TCF7L2: variants seen among roughly 807,000 people sequenced by gnomAD.
The protein encoded by TCF7L2 is transcription factor 7-like 2.
A neutral mutation model predicts 77.9 loss-of-function variants in TCF7L2; 23 were observed. The ratio of observed to expected loss-of-function variants is 0.30; its 90% CI spans 0.21 to 0.42. The LOEUF is 0.42. Among genes scored for constraint, TCF7L2 ranks in the 10% least tolerant of loss-of-function variants. TCF7L2 has a pLI of 1.00. For missense variants in TCF7L2, 654 were observed against 793.1 expected, an observed-to-expected ratio of 0.82 and a Z score of 2.11; for synonymous variants, 413 against 340.2, an observed-to-expected ratio of 1.21 and a Z score of -2.36.
chr10:113,029,575 T>C (rs996973388), intron 4 of TCF7L2, among the ~76,000 whole-genome samples: 4 of 151,020 alleles, frequency 2.6e-5, no homozygotes, highest in African/African-American at 9.8e-5. Flanking sequence ...GGCCCAGGCT[T>C]GAGTGCAATG....
At chr10:113,122,072 A>G (rs989305671) in intron 5 of TCF7L2, among the ~76,000 whole-genome samples, 4 of 152,238 alleles carry the variant, frequency 2.6e-5, no homozygotes, top group South Asian at 2.1e-4. Flanking sequence ...TCTGTCCAAA[A>G]TCAGCATACA....
chr10:113,081,836 T>C (rs2059344128), intron 5 of TCF7L2, among the ~76,000 whole-genome samples: 1 of 152,176 alleles, frequency 6.6e-6, no homozygotes, highest in South Asian at 2.1e-4. Flanking sequence ...TTATTACTAT[T>C]ATTATTTTGA....
intron 4 of TCF7L2, among the ~76,000 whole-genome samples, chr10:112,982,627 G>C (rs548345651): frequency 6.6e-6 from 1 of 151,970 alleles, no homozygotes; most frequent in African/African-American, 2.4e-5. Flanking sequence ...CTTTATTTTT[G>C]TTTTCTTCTT....
intron 5 of TCF7L2, among the ~76,000 whole-genome samples, chr10:113,115,289 C>T (rs570046427): frequency 6.6e-6 from 1 of 152,124 alleles, no homozygotes; most frequent in South Asian, 2.1e-4. Context: ...CTAATTAGAT[C>T]GAATGCAGTT....
At chr10:112,956,097 C>G (rs2033507528) in intron 3 of TCF7L2, among the ~76,000 whole-genome samples, 1 of 151,972 alleles carries the variant, frequency 6.6e-6, no homozygotes, top group Non-Finnish European at 1.5e-5. Context: ...AACAGGCCCC[C>G]CTGAATCACA....
chr10:112,988,815 A>T (rs1398634876), intron 4 of TCF7L2, among the ~76,000 whole-genome samples: 1 of 152,228 alleles, frequency 6.6e-6, no homozygotes, highest in South Asian at 2.1e-4. Flanking sequence ...AGAAAAAAGA[A>T]TAGGTGTTTT....
chr10:112,968,618 G>T (rs112614541), intron 4 of TCF7L2, among the ~76,000 whole-genome samples: 39 of 152,032 alleles, frequency 2.6e-4, no homozygotes, highest in African/African-American at 8.0e-4. Flanking sequence ...TCATTCTGTC[G>T]CCCAGGCTGG....
intron 5 of TCF7L2, among the ~76,000 whole-genome samples, chr10:113,120,130 C>T (rs966150742): frequency 6.6e-6 from 1 of 152,156 alleles, no homozygotes; most frequent in Admixed American, 6.5e-5. Context: ...GGTTACAGTA[C>T]GTGATTTGCA....
At chr10:113,129,250 T>C (rs1329265436) in intron 5 of TCF7L2, 1 of 951,834 alleles carries the variant, frequency 1.1e-6, no homozygotes, top group Non-Finnish European at 1.3e-6. Flanking sequence ...AAATTTGTTT[T>C]GAGGGATTTG....
chr10:112,971,563 G>T (rs1370551490), intron 4 of TCF7L2, among the ~76,000 whole-genome samples: 2 of 151,840 alleles, frequency 1.3e-5, no homozygotes, highest in African/African-American at 4.8e-5. Flanking sequence ...TCCTGCCTTG[G>T]CCTCCCAAAG....
chr10:113,092,997 T>C (rs2060560518), intron 5 of TCF7L2, among the ~76,000 whole-genome samples: 1 of 152,220 alleles, frequency 6.6e-6, no homozygotes, highest in Non-Finnish European at 1.5e-5. Context: ...CAGAACTAAG[T>C]TTGAGTCCAA....
intron 4 of TCF7L2, among the ~76,000 whole-genome samples, chr10:113,002,545 G>T (rs145189764): frequency 7.9e-5 from 12 of 151,898 alleles, no homozygotes; most frequent in East Asian, 3.9e-4. Context: ...TGTGTGTGGG[G>T]GTGTGTGTGT....
chr10:113,148,039 G>C (rs1407349056), intron 8 of TCF7L2, among the ~76,000 whole-genome samples: 1 of 152,124 alleles, frequency 6.6e-6, no homozygotes, highest in Non-Finnish European at 1.5e-5. Context: ...TTATACTTAT[G>C]GCAGTTATAG....
rs2137127436 is a variant in TCF7L2 at position 113,151,069 on chromosome 10, C to T, written c.947C>T (p.Thr316Ile). The change falls in exon 9 of 14, where the codon ACA becomes ATA. Residue 316 changes from threonine to isoleucine, a missense_variant. Physicochemically the swap from Thr to Ile is moderately conservative, Grantham distance 89. This residue lies in a region of TCF7L2 where 179 missense variants were observed against 270.6 expected (regional missense o/e 0.66). Coordinates refer to ENST00000627217, the MANE Select transcript of TCF7L2 (RefSeq NM_001146274.2). This position sits in a 1 kb window ranked among gnomAD's most constrained non-coding sequence, Gnocchi z 5.2. ...GGCATTCCGCATCCGGCCATAGTCA[C>T]ACCAACAGTCAAACAGGAATCGTCC... 2 of 1,614,222 alleles carry T rather than the reference C, an allele frequency of 1.2e-6. No homozygotes were observed. Among genetic ancestry groups the T allele is most frequent in the Non-Finnish European group, 1.7e-6 (2 of 1,180,040 alleles).
intron 5 of TCF7L2, 69 bp from the exon 6 acceptor site, chr10:113,141,115 C>T (rs2136830235): frequency 6.3e-7 from 1 of 1,589,662 alleles, no homozygotes; most frequent in Non-Finnish European, 8.6e-7. Context: ...ACCCACGGGC[C>T]CGGTGCTCTG....
chr10:113,127,040 A>G (rs147810834), intron 5 of TCF7L2: 111 of 586,268 alleles, frequency 1.9e-4, no homozygotes, highest in Non-Finnish European at 2.3e-4. Flanking sequence ...TTTCAGGTTG[A>G]TGTACCTTGA....
intron 4 of TCF7L2, among the ~76,000 whole-genome samples, chr10:113,013,613 G>C (rs2133685742): frequency 6.6e-6 from 1 of 152,310 alleles, no homozygotes; most frequent in Middle Eastern, 3.4e-3. Flanking sequence ...GATAAGCTTT[G>C]ATTAAAGATT....
At chr10:112,956,344 C>CTTT (rs10711698) in intron 3 of TCF7L2, among the ~76,000 whole-genome samples, 14 of 112,246 alleles carry the variant, frequency 1.2e-4, no homozygotes, top group African/African-American at 4.1e-4. Flanking sequence ...AGTGATTTAC[C>CTTT]TTTTTTTTTT....
chr10:113,029,931 C>T (rs1050661243), intron 4 of TCF7L2, among the ~76,000 whole-genome samples: 3 of 152,092 alleles, frequency 2.0e-5, no homozygotes, highest in African/African-American at 4.8e-5. Context: ...ATAATTCACA[C>T]GTCATAAAAT....
Sources: allele counts gnomAD v4.1 joint callset (sites outside exome capture counted in the v4.1 genomes callset), GRCh38; gene constraint gnomAD v4.1.1; regional missense constraint gnomAD v4.1.1; non-coding constraint Gnocchi (gnomAD v3.1); transcripts MANE v1.5; gene names NCBI Gene and HGNC (gene_info 2026-07-23, HGNC 2026-07-21).